FOXP1: variants seen among roughly 807,000 people sequenced by gnomAD.
The protein encoded by FOXP1 is forkhead box protein P1.
In FOXP1, 15 loss-of-function variants were observed where a neutral mutation model predicts 98.2. The observed-to-expected ratio is 0.15, with a 90% CI of 0.10 to 0.24. The LOEUF (loss-of-function observed/expected upper bound fraction) is 0.24, where lower values mean the gene tolerates loss of function less well. Among genes scored for constraint, FOXP1 ranks in the 10% least tolerant of loss-of-function variants. The pLI, the probability that FOXP1 is intolerant of heterozygous loss-of-function variation, is 1.00. For missense variants in FOXP1, 633 were observed against 848.5 expected, an observed-to-expected ratio of 0.75 and a Z score of 3.15; for synonymous variants, 371 against 314.5, an observed-to-expected ratio of 1.18 and a Z score of -1.90.
At chr3:71,015,275 G>GT (rs1011570228) in intron 12 of FOXP1, among the ~76,000 whole-genome samples, 3 of 151,904 alleles carry the variant, frequency 2.0e-5, no homozygotes, top group East Asian at 3.9e-4. Context: ...TACTGGAATC[G>GT]TTTTTTTTAA....
In FOXP1 at chr3:71,013,459, T is replaced by C. The variant is rs566950353; in HGVS notation, c.974+2090A>G. On this transcript the variant is annotated intron_variant, in intron 12 of 20. Transcript: ENST00000649528. ...ACTTGCAAGGGAAGTGAAGGACCTC[T>C]TCAAGGAGAACTACAAACCACTGCT... 2.0e-5 allele frequency among the ~76,000 whole-genome samples: 3 copies of C among 152,314 alleles called. No homozygotes were observed. In the East Asian group the frequency reaches 5.8e-4, roughly 29 times the overall value.
At chr3:71,454,114 T>A (rs2087208048) in intron 3 of FOXP1, among the ~76,000 whole-genome samples, 1 of 152,172 alleles carries the variant, frequency 6.6e-6, no homozygotes, top group South Asian at 2.1e-4. Context: ...TTGTAAGATG[T>A]CCCTTCTCCA....
At chr3:71,392,746 CT>C (rs1033831958) in intron 3 of FOXP1, among the ~76,000 whole-genome samples, 2 of 152,130 alleles carry the variant, frequency 1.3e-5, no homozygotes, top group African/African-American at 4.8e-5. Context: ...CGCAATCATT[CT>C]TTTTTTAACT....
intron 6 of FOXP1, among the ~76,000 whole-genome samples, chr3:71,123,425 C>T (rs1014210115): frequency 6.6e-5 from 10 of 152,246 alleles, no homozygotes. Flanking sequence ...CCCCATCATA[C>T]CTTGATTCTC....
At chr3:71,348,536 T>A (rs866814027) in intron 4 of FOXP1, among the ~76,000 whole-genome samples, 1 of 66,808 alleles carries the variant, frequency 1.5e-5, no homozygotes, top group Non-Finnish European at 4.5e-5. Flanking sequence ...TGTGTGTGTG[T>A]GTGTGTGTGT....
chr3:71,091,736 C>G (rs2055868726), intron 7 of FOXP1, among the ~76,000 whole-genome samples: 1 of 151,972 alleles, frequency 6.6e-6, no homozygotes, highest in Non-Finnish European at 1.5e-5. Context: ...CATTATGAGT[C>G]TAAAATAAAA....
intron 17 of FOXP1, among the ~76,000 whole-genome samples, chr3:70,975,039 GGTACAAACAAGGACAC>G (rs1270880109): frequency 3.3e-5 from 5 of 152,050 alleles, no homozygotes; most frequent in African/African-American, 1.2e-4. Flanking sequence ...CTAAGATCAT[GGTACAAACAAGGACAC>G]GTACAGAAAA....
intron 20 of FOXP1, among the ~76,000 whole-genome samples, chr3:70,963,612 TC>T (rs2034077636): frequency 6.6e-6 from 1 of 152,180 alleles, no homozygotes; most frequent in Non-Finnish European, 1.5e-5. Context: ...ACCACACATT[TC>T]CCTTCTCCTT....
chr3:71,129,322 A>G (rs2059421067), intron 6 of FOXP1, among the ~76,000 whole-genome samples: 1 of 152,204 alleles, frequency 6.6e-6, no homozygotes, highest in Non-Finnish European at 1.5e-5. Context: ...ACATTCAAAA[A>G]AGCCACCATA....
At chr3:71,496,784 C>A (rs570272266) in intron 2 of FOXP1, among the ~76,000 whole-genome samples, 2 of 151,572 alleles carry the variant, frequency 1.3e-5, no homozygotes, top group Admixed American at 6.6e-5. Flanking sequence ...TCCAGCCTGG[C>A]GACAGAGCAA....
intron 5 of FOXP1, among the ~76,000 whole-genome samples, chr3:71,287,776 T>A (rs1218021425): frequency 1.3e-5 from 2 of 151,882 alleles, no homozygotes; most frequent in Non-Finnish European, 2.9e-5. Flanking sequence ...CGAGACTTCA[T>A]CCCAAAAAAT....
chr3:71,307,852 AC>A (rs2074387207), intron 4 of FOXP1, among the ~76,000 whole-genome samples: 1 of 152,190 alleles, frequency 6.6e-6, no homozygotes, highest in African/African-American at 2.4e-5. Context: ...AATATATTAT[AC>A]AATTATAGGT....
chr3:71,511,496 T>TAA (rs60459177), intron 2 of FOXP1, among the ~76,000 whole-genome samples: 3 of 133,876 alleles, frequency 2.2e-5, no homozygotes, highest in African/African-American at 2.8e-5. Flanking sequence ...GTAGAATTAA[T>TAA]AAAAAAAAAA....
At chr3:71,065,084 C>T (rs2052281467) in intron 7 of FOXP1, among the ~76,000 whole-genome samples, 1 of 148,632 alleles carries the variant, frequency 6.7e-6, no homozygotes, top group African/African-American at 2.4e-5. Flanking sequence ...CCGCGCCCCG[C>T]GCCCGCGCGC....
intron 5 of FOXP1, among the ~76,000 whole-genome samples, chr3:71,224,428 C>G (rs938602444): frequency 1.3e-5 from 2 of 152,130 alleles, no homozygotes; most frequent in African/African-American, 4.8e-5. Context: ...GAGGGTACTA[C>G]TGAAATGGCT....
chr3:71,340,520 G>A (rs917989867), intron 4 of FOXP1, among the ~76,000 whole-genome samples: 2 of 152,022 alleles, frequency 1.3e-5, no homozygotes, highest in African/African-American at 4.8e-5. Flanking sequence ...CAAGAAAATT[G>A]CATTTTATTC....
chr3:71,130,731 C>T (rs2107919404), intron 6 of FOXP1: 3 of 1,492,564 alleles, frequency 2.0e-6, no homozygotes, highest in African/African-American at 1.4e-5. Context: ...CAGTAGCTGG[C>T]TGGGCTCTCA....
At chr3:71,461,207 T>C (rs2088065603) in intron 3 of FOXP1, among the ~76,000 whole-genome samples, 1 of 152,196 alleles carries the variant, frequency 6.6e-6, no homozygotes, top group African/African-American at 2.4e-5. Flanking sequence ...AAGCATATTA[T>C]ATGGTGGTGT....
At position 71,389,449 on chromosome 3, in the gene FOXP1, G is replaced by T. The variant is rs139189936; in HGVS notation, c.-167-30205C>A. The stretch of plus-strand genomic sequence containing the variant: ...TTTTATAAGTGCTGTTGCAGTAAGG[G>T]TTACCTGAAGTGAGGATGAACACAA... On this transcript the variant is annotated intron_variant, in intron 3 of 20. Coordinates refer to ENST00000649528, the MANE Select transcript of FOXP1 (RefSeq NM_001349338.3). Among the ~76,000 whole-genome samples the T allele has an allele frequency of 5.4e-3, 814 of 152,108 alleles. 12 individuals are homozygous for T. The highest frequency in any genetic ancestry group is 0.018 in the African/African-American group (757 of 41,478).
Sources: allele counts gnomAD v4.1 joint callset (sites outside exome capture counted in the v4.1 genomes callset), GRCh38; gene constraint gnomAD v4.1.1; transcripts MANE v1.5; gene names NCBI Gene and HGNC (gene_info 2026-07-23, HGNC 2026-07-21).